PRR16: variants seen among roughly 807,000 people sequenced by gnomAD.
PRR16 encodes the protein proline rich 16, also known as protein Largen.
In PRR16, 6 loss-of-function variants were observed where a neutral mutation model predicts 18.2. The observed-to-expected ratio is 0.33, with a 90% CI of 0.18 to 0.65. PRR16 has a LOEUF of 0.65. PRR16 is among the 30% of genes least tolerant of loss of function. The pLI is 0.74. For synonymous variants in PRR16, 151 were observed against 147.8 expected (o/e 1.02, Z -0.16); for missense variants, 412 against 376.6 (o/e 1.09, Z -0.78).
chr5:120,638,134 C>T (rs1222470726), intron 1 of PRR16, among the ~76,000 whole-genome samples: 1 of 151,990 alleles, frequency 6.6e-6, no homozygotes, highest in African/African-American at 2.4e-5. Flanking sequence ...TAGTTTTGTT[C>T]ATGAAACAAA....
chr5:120,465,079 G>A (rs979998989), intron 1 of PRR16, among the ~76,000 whole-genome samples: 2 of 152,150 alleles, frequency 1.3e-5, no homozygotes, highest in African/African-American at 4.8e-5. Context: ...CCAAGTCAGG[G>A]CTGAAGAGGG....
the PRR16 span, among the ~76,000 whole-genome samples, chr5:120,756,581 G>T: frequency 6.6e-6 from 1 of 151,758 alleles, no homozygotes; most frequent in Non-Finnish European, 1.5e-5. Context: ...TTTATTGGTT[G>T]CCTGTATGTC....
rs12518732 is a variant in PRR16 at position 120,572,691 on chromosome 5, A to G, written c.159+108046A>G. ...ATGAGAGATCTACTTACTGTGCCAA[A>G]TGAAAATTCAAATGCTAGTAATTAC... On this transcript the variant is annotated intron_variant, in intron 1 of 1. Transcript: ENST00000407149. Among the ~76,000 whole-genome samples, 459 of 152,280 alleles carry G rather than the reference A, an allele frequency of 3.0e-3. 5 individuals carry two copies. The highest frequency in any genetic ancestry group is 0.026 in the East Asian group (132 of 5,164).
chr5:120,698,282 G>T, the PRR16 span, among the ~76,000 whole-genome samples: 1 of 152,130 alleles, frequency 6.6e-6, no homozygotes. Context: ...AATGATTGGT[G>T]ATGGCCTGGA....
At chr5:120,791,743 A>G in the PRR16 span, among the ~76,000 whole-genome samples, 5 of 152,202 alleles carry the variant, frequency 3.3e-5, no homozygotes, top group African/African-American at 1.2e-4. Context: ...GTAGTGTACA[A>G]TTCAAACAAA....
At chr5:120,597,153 T>C (rs938535453) in intron 1 of PRR16, among the ~76,000 whole-genome samples, 1 of 151,718 alleles carries the variant, frequency 6.6e-6, no homozygotes, top group African/African-American at 2.4e-5. Flanking sequence ...ATCTCTCTTT[T>C]TACATTGATT....
intron 1 of PRR16, among the ~76,000 whole-genome samples, chr5:120,667,216 A>G (rs540850635): frequency 2.1e-5 from 3 of 144,450 alleles, no homozygotes; most frequent in South Asian, 2.2e-4. Flanking sequence ...GAATTTATCC[A>G]TTTAGATTTT....
At chr5:120,555,514 G>GGT (rs1030484859) in intron 1 of PRR16, among the ~76,000 whole-genome samples, 8 of 151,572 alleles carry the variant, frequency 5.3e-5, no homozygotes, top group African/African-American at 1.9e-4. Flanking sequence ...GGTGGGGTGG[G>GGT]GTGTGTGTGT....
At chr5:120,525,269 C>A (rs552618049) in intron 1 of PRR16, among the ~76,000 whole-genome samples, 1 of 152,140 alleles carries the variant, frequency 6.6e-6, no homozygotes, top group South Asian at 2.1e-4. Flanking sequence ...TTTTCAAATT[C>A]TTTCATTCTT....
At chr5:120,592,999 G>T (rs934734264) in intron 1 of PRR16, among the ~76,000 whole-genome samples, 1 of 151,782 alleles carries the variant, frequency 6.6e-6, no homozygotes, top group Non-Finnish European at 1.5e-5. Context: ...CCAGAATCTC[G>T]GTCACAGCTA....
the PRR16 span, among the ~76,000 whole-genome samples, chr5:120,780,865 C>T: frequency 6.6e-6 from 1 of 152,226 alleles, no homozygotes; most frequent in Admixed American, 6.5e-5. Context: ...TCCTGGCCAA[C>T]ATGGTGAAAC....
intron 1 of PRR16, among the ~76,000 whole-genome samples, chr5:120,656,129 A>G (rs1442345284): frequency 2.0e-5 from 3 of 151,862 alleles, no homozygotes; most frequent in Non-Finnish European, 4.4e-5. Context: ...TCAAAATATC[A>G]TCACCACCTT....
chr5:120,674,048 C>T (rs1756709612), intron 1 of PRR16, among the ~76,000 whole-genome samples: 2 of 151,878 alleles, frequency 1.3e-5, no homozygotes, highest in Non-Finnish European at 2.9e-5. Context: ...TGTAAATACA[C>T]ATCTTTTGGA....
chr5:120,530,281 A>ATATATT lies in PRR16; in HGVS notation c.159+65639_159+65640insATTTAT, dbSNP rs1447791509. Among the ~76,000 whole-genome samples the ATATATT allele has an allele frequency of 3.1e-3, 290 of 92,672 alleles. 3 individuals are homozygous for ATATATT. Among genetic ancestry groups the ATATATT allele is most frequent in the African/African-American group, 0.011 (258 of 23,380 alleles). 60.8% of individuals were successfully genotyped at this position (92,672 alleles called of 152,430 possible). A position where few individuals can be genotyped will look rare whatever the true frequency, so the allele number is the denominator to read the frequency against. ...TATATATATATATATATATATATAT[A>ATATATT]TATTTATTTATTTATTTATTTATTT... On this transcript the variant is annotated intron_variant, in intron 1 of 1. Transcript: ENST00000407149.
At chr5:120,633,730 AC>A in intron 1 of PRR16, among the ~76,000 whole-genome samples, 1 of 149,404 alleles carries the variant, frequency 6.7e-6, no homozygotes. Flanking sequence ...TAAAACAGTT[AC>A]TACTAGACCT....
intron 1 of PRR16, among the ~76,000 whole-genome samples, chr5:120,510,962 A>T (rs1376519277): frequency 6.6e-6 from 1 of 152,120 alleles, no homozygotes. Context: ...ACAGGACAAT[A>T]TTATGTGATA....
intron 1 of PRR16, among the ~76,000 whole-genome samples, chr5:120,582,259 G>C (rs1753297070): frequency 6.6e-6 from 1 of 152,080 alleles, no homozygotes; most frequent in African/African-American, 2.4e-5. Flanking sequence ...AGAATGGGTA[G>C]ACATGGATAT....
intron 1 of PRR16, among the ~76,000 whole-genome samples, chr5:120,498,347 A>G (rs535667389): frequency 5.4e-5 from 8 of 148,936 alleles, no homozygotes; most frequent in Admixed American, 4.7e-4. Flanking sequence ...ATATACATAT[A>G]TATCTATAAA....
At chr5:120,500,995 G>A (rs1168996583) in intron 1 of PRR16, among the ~76,000 whole-genome samples, 3 of 151,446 alleles carry the variant, frequency 2.0e-5, no homozygotes, top group African/African-American at 7.3e-5. Context: ...ACTTAAAAAA[G>A]GAAGCGACTA....
Sources: gnomAD v4.1 joint callset for allele counts (sites outside exome capture counted in the v4.1 genomes callset) on GRCh38, gnomAD v4.1.1 for gene constraint, MANE v1.5 for transcripts, NCBI Gene and HGNC (gene_info 2026-07-23, HGNC 2026-07-21) for gene names.